LGR5: variants seen among roughly 807,000 people sequenced by gnomAD.
The protein encoded by LGR5 is leucine-rich repeat-containing G protein-coupled receptor 5.
Under a neutral mutation model 76.7 loss-of-function variants are expected in LGR5, and 54 were observed. That is an observed-to-expected ratio of 0.70 (90% confidence interval 0.57 to 0.88). The LOEUF is 0.88. LGR5 is among the 40% of genes least tolerant of loss of function. The pLI is 0.00. For synonymous variants in LGR5, 406 were observed against 421.9 expected, an observed-to-expected ratio of 0.96 and a Z score of 0.46; for missense variants, 1,078 against 1,073.3, an observed-to-expected ratio of 1.00 and a Z score of -0.06.
chr12:71,454,183 G>A (rs1345056272), intron 1 of LGR5, among the ~76,000 whole-genome samples: 1 of 152,056 alleles, frequency 6.6e-6, no homozygotes, highest in Non-Finnish European at 1.5e-5. Context: ...TCCCATAACT[G>A]ATGAAATCAA....
Position 71,584,051 on chromosome 12 carries a change from C to T in LGR5, c.2041C>T (p.Leu681=), listed in dbSNP as rs1311114515. ...TGAAACGAAAGCTCCATTTTCTAGC[C>T]TGAAAGTAATCATTTTGCTCTGTGC... The part of the protein sequence containing the change: ...KFETKAPFSS[L]KVIILLCALL... Residue 681 remains leucine, a synonymous_variant, in exon 18 of 18, where the codon CTG becomes TTG. Transcript: ENST00000266674. 2 of 1,614,216 alleles carry T rather than the reference C, an allele frequency of 1.2e-6. No homozygotes were observed. The highest frequency in any genetic ancestry group is 2.2e-5 in the South Asian group (2 of 91,084).
intron 1 of LGR5, among the ~76,000 whole-genome samples, chr12:71,487,952 C>CTAAAT (rs57272251): frequency 0.11 from 17,044 of 152,120 alleles, 1,064 homozygotes; most frequent in African/African-American, 0.16. Flanking sequence ...CTTTCTAATG[C>CTAAAT]TAGTCTATTA....
chr12:71,538,041 G>C (rs996900437), intron 4 of LGR5, among the ~76,000 whole-genome samples: 25 of 152,106 alleles, frequency 1.6e-4, no homozygotes, highest in African/African-American at 5.1e-4. Flanking sequence ...ACCCTTGATA[G>C]GGGCTGTGAG....
intron 4 of LGR5, among the ~76,000 whole-genome samples, chr12:71,542,430 C>G (rs1044091444): frequency 6.6e-6 from 1 of 152,020 alleles, no homozygotes; most frequent in African/African-American, 2.4e-5. Context: ...TGGGACATGT[C>G]AAGGATTTCA....
Position 71,584,391 on chromosome 12 carries a change from C to T in LGR5, c.2381C>T (p.Thr794Ile). The stretch of plus-strand genomic sequence containing the variant: ...TCCTTCTCCTCTTTAATAAACCTTA[C>T]ATTTATCAGTCCTGAAGTAATTAAG... ...FLSFSSLINL[T>I]FISPEVIKFI... Residue 794 changes from threonine (T) to isoleucine (I), a missense_variant, in exon 18 of 18, where the codon ACA (threonine) becomes ATA (isoleucine). Thr to Ile is a moderately conservative substitution (Grantham distance 89). Coordinates refer to ENST00000266674, the MANE Select transcript of LGR5 (RefSeq NM_003667.4). The T allele has an allele frequency of 6.2e-7, 1 of 1,614,180 alleles. No homozygotes were observed. Among genetic ancestry groups the T allele is most frequent in the South Asian group, 1.1e-5 (1 of 91,084 alleles).
intron 1 of LGR5, among the ~76,000 whole-genome samples, chr12:71,463,999 T>G (rs534379967): frequency 2.6e-5 from 4 of 152,102 alleles, no homozygotes; most frequent in Non-Finnish European, 5.9e-5. Context: ...CTCTTTGAAG[T>G]GCTAATTTTT....
At chr12:71,507,353 C>T (rs1451430255) in intron 2 of LGR5, among the ~76,000 whole-genome samples, 1 of 151,964 alleles carries the variant, frequency 6.6e-6, no homozygotes, top group Admixed American at 6.6e-5. Flanking sequence ...TGTGATTTCA[C>T]AGTAGTTTGC....
chr12:71,483,183 G>A (rs941795247), intron 1 of LGR5, among the ~76,000 whole-genome samples: 5 of 152,108 alleles, frequency 3.3e-5, no homozygotes, highest in African/African-American at 9.7e-5. Context: ...AGACTGAGGC[G>A]AAGAAGTCCA....
intron 2 of LGR5, among the ~76,000 whole-genome samples, chr12:71,522,887 A>C (rs1187766179): frequency 6.6e-6 from 1 of 152,210 alleles, no homozygotes; most frequent in African/African-American, 2.4e-5. Flanking sequence ...AAAGCTCAGC[A>C]ATATTAACTA....
At chr12:71,573,024 C>G (rs908214258) in intron 13 of LGR5, 103 bp downstream of exon 13, 1 of 763,142 alleles carries the variant, frequency 1.3e-6, no homozygotes, top group Admixed American at 2.5e-5. Context: ...TGTGGTGGGA[C>G]TTTTGTGCAT....
chr12:71,504,219 G>C (rs867685198), intron 1 of LGR5, among the ~76,000 whole-genome samples: 12 of 152,074 alleles, frequency 7.9e-5, no homozygotes, highest in Non-Finnish European at 1.5e-5. Flanking sequence ...AGGACTTCTA[G>C]AGTTGCACAG....
intron 11 of LGR5, 49 bp downstream of exon 11, chr12:71,566,961 T>C (rs1878381714): frequency 2.2e-6 from 3 of 1,346,158 alleles, no homozygotes; most frequent in Non-Finnish European, 3.2e-6. Context: ...AACTTCCATT[T>C]AGGGGTGAAA....
At chr12:71,541,239 G>A (rs889188106) in intron 4 of LGR5, among the ~76,000 whole-genome samples, 1 of 152,136 alleles carries the variant, frequency 6.6e-6, no homozygotes, top group Non-Finnish European at 1.5e-5. Context: ...TAAAATTGGA[G>A]CATTGTCCAC....
chr12:71,559,070 T>G (rs1447571905), intron 6 of LGR5, among the ~76,000 whole-genome samples: 6 of 152,194 alleles, frequency 3.9e-5, no homozygotes, highest in Non-Finnish European at 7.3e-5. Context: ...GAAGCAAGGT[T>G]CATCCTGGAC....
rs1272568781 is a variant in LGR5, at chr12:71,440,863, C to A, written c.212+571C>A. 6.6e-6 allele frequency among the ~76,000 whole-genome samples: 1 copy of A among 152,078 alleles called. No individual in the cohort carries two copies. The highest frequency in any genetic ancestry group is 1.5e-5 in the Non-Finnish European group (1 of 68,016). ...TCCTCCCTTCTTCCTTCCTTCCCTC[C>A]CTCCTTTCTTTTTATTTTCTTTCTT... On this transcript the variant is annotated intron_variant, in intron 1 of 17. Transcript: ENST00000266674. The surrounding 1 kb of genome is among the most constrained non-coding windows in gnomAD (Gnocchi z 5.3).
intron 4 of LGR5, among the ~76,000 whole-genome samples, chr12:71,551,192 G>A (rs912841618): frequency 6.6e-6 from 1 of 152,196 alleles, no homozygotes; most frequent in Admixed American, 6.5e-5. Context: ...TGTGGCCCAA[G>A]GAGGGCCTTT....
At chr12:71,490,138 A>G (rs1358064684) in intron 1 of LGR5, among the ~76,000 whole-genome samples, 1 of 151,984 alleles carries the variant, frequency 6.6e-6, no homozygotes, top group African/African-American at 2.4e-5. Flanking sequence ...TCAAAAAAAA[A>G]AAAAAACCCA....
intron 1 of LGR5, chr12:71,441,351 A>T (rs1374857329): frequency 6.6e-6 from 1 of 152,184 alleles, no homozygotes; most frequent in Non-Finnish European, 1.5e-5. Flanking sequence ...GTTCTAGGCC[A>T]CTCTGGGAAA....
Position 71,562,178 on chromosome 12 carries a change from C to A in LGR5, c.857+326C>A, listed in dbSNP as rs117198311. 5.5e-3 allele frequency among the ~76,000 whole-genome samples: 833 copies of A among 152,254 alleles called. 4 individuals are homozygous for A. The highest frequency in any genetic ancestry group is 0.01 in the Middle Eastern group (3 of 294). The stretch of plus-strand genomic sequence containing the variant: ...AGCATTAATGTCAAGTCTGCATAGT[C>A]ATTCTGAACTTAAACCCGAGTATAC... On this transcript the variant is annotated intron_variant, in intron 8 of 17. Coordinates refer to ENST00000266674, the MANE Select transcript of LGR5 (RefSeq NM_003667.4).
Sources: gnomAD v4.1 joint callset for allele counts (sites outside exome capture counted in the v4.1 genomes callset) on GRCh38, gnomAD v4.1.1 for gene constraint, Gnocchi (gnomAD v3.1) non-coding constraint, MANE v1.5 for transcripts, NCBI Gene and HGNC (gene_info 2026-07-23, HGNC 2026-07-21) for gene names.